Variants in PCDH9 observed in about 807,000 individuals in gnomAD.
The protein encoded by PCDH9 is protocadherin 9.
PCDH9 carries 24 observed loss-of-function variants against 70.6 expected under a neutral mutation model. That is an observed-to-expected ratio of 0.34 (90% CI 0.25 to 0.48). The LOEUF is 0.48. Ranked by LOEUF, PCDH9 falls within the 20% of genes least tolerant of loss-of-function variation. PCDH9 has a pLI of 0.99. For missense variants in PCDH9, 1,281 were observed against 1,503.6 expected (o/e 0.85, Z 2.45); for synonymous variants, 562 against 558.5 (o/e 1.01, Z -0.09).
At chr13:67,195,301 C>T (rs544378911) in intron 2 of PCDH9, among the ~76,000 whole-genome samples, 1 of 152,030 alleles carries the variant, frequency 6.6e-6, no homozygotes, top group South Asian at 2.1e-4. Flanking sequence ...CCCTCCACCA[C>T]GCCCCGCTAA....
intron 4 of PCDH9, among the ~76,000 whole-genome samples, chr13:66,485,277 A>G (rs1244475027): frequency 6.6e-6 from 1 of 152,246 alleles, no homozygotes; most frequent in Non-Finnish European, 1.5e-5. Context: ...TTTCCTTCAC[A>G]GTCTTTTCAT....
intron 2 of PCDH9, among the ~76,000 whole-genome samples, chr13:67,014,944 A>T (rs916054794): frequency 1.5e-4 from 23 of 152,094 alleles, no homozygotes; most frequent in African/African-American, 5.3e-4. Flanking sequence ...TTTACTCTAA[A>T]ATAACCACTG....
chr13:66,976,987 C>T (rs144093861), intron 2 of PCDH9, among the ~76,000 whole-genome samples: 2 of 152,138 alleles, frequency 1.3e-5, no homozygotes, highest in African/African-American at 4.8e-5. Context: ...TGTTGAAAAG[C>T]AGACCACTGC....
chr13:66,766,457 C>A (rs980785823), intron 3 of PCDH9, among the ~76,000 whole-genome samples: 5 of 152,014 alleles, frequency 3.3e-5, no homozygotes, highest in Non-Finnish European at 4.4e-5. Flanking sequence ...CCACTTGAGA[C>A]CTATCAAAAC....
rs567408801 is a variant in PCDH9, at chr13:67,051,382, A to ATTTTTTT, written c.3037-147784_3037-147778dup. On this transcript the variant is annotated intron_variant, in intron 2 of 4. Coordinates refer to ENST00000377865, the MANE Select transcript of PCDH9 (RefSeq NM_203487.3). ...CGAAATACCAGGAAAACAATACAAG[A>ATTTTTTT]TTTTTTTTTTTTTTTTTTTTTTTTT... 1.3e-3 allele frequency among the ~76,000 whole-genome samples: 93 copies of ATTTTTTT among 71,010 alleles called. 8 individuals are homozygous for ATTTTTTT. Among genetic ancestry groups the ATTTTTTT allele is most frequent in the African/African-American group, 2.3e-3 (36 of 15,792 alleles). 46.6% of individuals were successfully genotyped at this position (71,010 alleles called of 152,430 possible). A position where few individuals can be genotyped will look rare whatever the true frequency, so the allele number is the denominator to read the frequency against.
chr13:66,978,666 T>C (rs996170007), intron 2 of PCDH9, among the ~76,000 whole-genome samples: 4 of 150,040 alleles, frequency 2.7e-5, no homozygotes, highest in Non-Finnish European at 5.9e-5. Flanking sequence ...TAGTTTATGC[T>C]ACTATCTTCT....
intron 3 of PCDH9, among the ~76,000 whole-genome samples, chr13:66,846,548 T>G (rs1176589414): frequency 1.3e-5 from 2 of 152,158 alleles, no homozygotes; most frequent in Admixed American, 6.5e-5. Context: ...TCATATTGTT[T>G]GTCTTGTGAG....
At chr13:66,390,014 TGA>T (rs749518693) in intron 4 of PCDH9, among the ~76,000 whole-genome samples, 2 of 151,578 alleles carry the variant, frequency 1.3e-5, no homozygotes, top group African/African-American at 2.4e-5. Context: ...TCAGAGAGAG[TGA>T]GAGACAAAGA....
At chr13:66,851,623 CTG>C (rs1426092372) in intron 3 of PCDH9, among the ~76,000 whole-genome samples, 1 of 150,576 alleles carries the variant, frequency 6.6e-6, no homozygotes, top group Non-Finnish European at 1.5e-5. Flanking sequence ...TTTATTGACT[CTG>C]TGACCTTGAG....
At chr13:66,549,197 A>T (rs548046312) in intron 4 of PCDH9, among the ~76,000 whole-genome samples, 1 of 152,258 alleles carries the variant, frequency 6.6e-6, no homozygotes, top group African/African-American at 2.4e-5. Context: ...CCTATATATA[A>T]ATGAAATGTA....
intron 2 of PCDH9, among the ~76,000 whole-genome samples, chr13:67,040,582 C>T (rs2085092499): frequency 6.6e-6 from 1 of 152,152 alleles, no homozygotes; most frequent in Non-Finnish European, 1.5e-5. Flanking sequence ...TCCTCCCAGA[C>T]TTGTGGCCTC....
chr13:66,730,897 T>TTTTTTTTTTTTTTTTTGTTTTG (rs1555262885), intron 3 of PCDH9, among the ~76,000 whole-genome samples: 1 of 129,100 alleles, frequency 7.7e-6, no homozygotes, highest in Admixed American at 8.6e-5. Context: ...GTTTGTTTCT[T>TTTTTTTTTTTTTTTTTGTTTTG]TTTTTTTGTG....
chr13:66,606,147 C>A (rs1019774194), intron 4 of PCDH9, among the ~76,000 whole-genome samples: 20 of 151,968 alleles, frequency 1.3e-4, no homozygotes, highest in Non-Finnish European at 2.6e-4. Flanking sequence ...CCATGCAAAA[C>A]CAGAATGAGG....
chr13:66,365,932 GTAAC>G (rs1435716808), intron 4 of PCDH9, among the ~76,000 whole-genome samples: 8 of 152,008 alleles, frequency 5.3e-5, no homozygotes, highest in African/African-American at 1.7e-4. Context: ...TAAAACAAAT[GTAAC>G]TAAGAGAAAT....
intron 4 of PCDH9, among the ~76,000 whole-genome samples, chr13:66,412,612 A>C (rs1485780008): frequency 1.3e-5 from 2 of 152,194 alleles, no homozygotes; most frequent in Non-Finnish European, 2.9e-5. Flanking sequence ...GTGGTAATAG[A>C]TAATTGGTAT....
Position 66,903,562 on chromosome 13 carries a change from T to C in PCDH9, c.3080A>G (p.Gln1027Arg). ...GAAACCCGTGGAGCTGGGACATTTC[T>C]GAGGAGTGACAGGAATATTGTCACT... Reference protein sequence around the residue: ...SKSDNIPVTPQKCPSSTGFHI... With the variant: ...SKSDNIPVTPRKCPSSTGFHI... The change falls in exon 3 of 5, where the codon CAG (glutamine) becomes CGG (arginine). Residue 1027 changes from glutamine (Q) to arginine (R), a missense_variant. This residue lies in a region of PCDH9 where 264 missense variants were observed against 278.8 expected (regional missense o/e 0.95). Coordinates refer to ENST00000377865, the MANE Select transcript of PCDH9 (RefSeq NM_203487.3). The C allele has an allele frequency of 6.3e-7, 1 of 1,585,136 alleles. No homozygotes were observed. Among genetic ancestry groups the C allele is most frequent in the African/African-American group, 1.3e-5 (1 of 74,216 alleles).
At chr13:66,959,873 G>A (rs936900043) in intron 2 of PCDH9, among the ~76,000 whole-genome samples, 1 of 152,068 alleles carries the variant, frequency 6.6e-6, no homozygotes, top group Non-Finnish European at 1.5e-5. Context: ...CTGGAAATCA[G>A]CATATTTTAT....
chr13:66,545,688 C>A (rs1301543498), intron 4 of PCDH9, among the ~76,000 whole-genome samples: 1 of 152,100 alleles, frequency 6.6e-6, no homozygotes, highest in East Asian at 1.9e-4. Flanking sequence ...AACAACTCTA[C>A]TAGCTTATTA....
chr13:66,487,474 T>C (rs1048364623), intron 4 of PCDH9, among the ~76,000 whole-genome samples: 10 of 152,202 alleles, frequency 6.6e-5, no homozygotes, highest in Non-Finnish European at 1.5e-4. Flanking sequence ...ATAGTAATTG[T>C]TTCTATAAAT....
Sources: allele counts gnomAD v4.1 joint callset (sites outside exome capture counted in the v4.1 genomes callset), GRCh38; gene constraint gnomAD v4.1.1; regional missense constraint gnomAD v4.1.1; transcripts MANE v1.5; gene names NCBI Gene and HGNC (gene_info 2026-07-23, HGNC 2026-07-21).